The following UNC79 variants were observed in gnomAD, a reference collection of about 807,000 sequenced individuals.
UNC79 encodes the protein unc-79 subunit of NALCN channel complex, also known as protein unc-79 homolog.
In UNC79, 37 loss-of-function variants were observed where a neutral mutation model predicts 283.1. The observed-to-expected ratio is 0.13, with a 90% CI of 0.10 to 0.17. UNC79 has a LOEUF of 0.17. UNC79 is among the 10% of genes least tolerant of loss of function. UNC79 has a pLI of 1.00. For synonymous variants in UNC79, 1,107 were observed against 1,200.2 expected (o/e 0.92, Z 1.61); for missense variants, 2,272 against 3,211.1 (o/e 0.71, Z 7.07).
At chr14:93,598,365 C>CGTGTGTGTGTGT (rs71301930) in intron 24 of UNC79, among the ~76,000 whole-genome samples, 66 of 64,088 alleles carry the variant, frequency 1.0e-3, no homozygotes, top group African/African-American at 2.5e-3. Context: ...TATTGCATAA[C>CGTGTGTGTGTGT]GTGTGTGTGT....
intron 41 of UNC79, among the ~76,000 whole-genome samples, chr14:93,675,785 A>C (rs930145239): frequency 6.6e-6 from 1 of 152,076 alleles, no homozygotes; most frequent in African/African-American, 2.4e-5. Flanking sequence ...GACACATTGA[A>C]CTCTCAGTGA....
rs1555398782 is a variant in UNC79 at position 93,357,710 on chromosome 14, T to TATATGG, written c.-351+24191_-351+24192insGGATAT. On this transcript the variant is annotated intron_variant, in intron 1 of 49. Coordinates refer to the UNC79 transcript ENST00000256339. Reference sequence around the variant, plus strand: ...ATATATATATATATATATATATATATATATATATATGGATATATGGATGTA... The same window carrying TATATGG: ...ATATATATATATATATATATATATATATATGGATATATATATGGATATATGGATGTA... Among the ~76,000 whole-genome samples, 10 of 126,540 alleles carry TATATGG rather than the reference T, an allele frequency of 7.9e-5. No individual in the cohort carries two copies. In the East Asian group the frequency reaches 2.2e-3, roughly 28 times the overall value. The allele number at this position is 126,540 out of a possible 152,430, so 83.0% of individuals were successfully genotyped here.
chr14:93,691,653 T>A, intron 45 of UNC79, 96 bp from the exon 49 acceptor site: 1 of 1,298,098 alleles, frequency 7.7e-7, no homozygotes, highest in Non-Finnish European at 1.1e-6. Context: ...GCTTCCCCTG[T>A]GCTCCCTGGC....
rs912741055 is a variant in UNC79 at position 93,430,767 on chromosome 14, A to G, written c.-263A>G. ...CGCCCACATCAACGCGGGCAGCTCC[A>G]GGAGGGGACGGACAGGAAGCCTTTG... On this transcript the variant is annotated 5_prime_UTR_variant, in exon 1 of 49. Coordinates refer to ENST00000555664, the Ensembl canonical transcript of UNC79. This position sits in a 1 kb window ranked among gnomAD's most constrained non-coding sequence, Gnocchi z 4.6. 2 of 403,012 alleles carry G rather than the reference A, an allele frequency of 5.0e-6. No homozygotes were observed. The highest frequency in any genetic ancestry group is 7.3e-4 in the Middle Eastern group (1 of 1,376). 25.0% of individuals were successfully genotyped at this position (403,012 alleles called of 1,614,324 possible).
intron 42 of UNC79, among the ~76,000 whole-genome samples, chr14:93,685,999 A>G (rs1023060204): frequency 2.6e-5 from 4 of 152,170 alleles, no homozygotes; most frequent in Admixed American, 2.6e-4. Context: ...ACATGTATCT[A>G]TTTAGTAGTG....
intron 30 of UNC79, among the ~76,000 whole-genome samples, chr14:93,630,023 T>A (rs2067894926): frequency 6.6e-6 from 1 of 152,244 alleles, no homozygotes; most frequent in Non-Finnish European, 1.5e-5. Flanking sequence ...TGTTTCCCAT[T>A]ACTGATAGGT....
At chr14:93,604,769 G>A in intron 26 of UNC79, 127 bp from the exon 27 acceptor site, 1 of 973,302 alleles carries the variant, frequency 1.0e-6, no homozygotes, top group Non-Finnish European at 1.4e-6. Context: ...CAACTTTTAT[G>A]TGATGTTAAT....
intron 48 of UNC79, among the ~76,000 whole-genome samples, chr14:93,706,018 AAG>A (rs2075856107): frequency 6.6e-6 from 1 of 152,188 alleles, no homozygotes; most frequent in African/African-American, 2.4e-5. Context: ...TTTCTGTGAA[AAG>A]AGAGTTTCTT....
chr14:93,352,501 A>T lies in UNC79; in HGVS notation c.-351+18978A>T, dbSNP rs74677931. On this transcript the variant is annotated intron_variant, in intron 1 of 49. Transcript: ENST00000256339. ...ATGCAATAATACTGTATGTTGGGAA[A>T]TGGTACCTTATTTTGATGAATGAAC... is the stretch of plus-strand genomic sequence containing the variant. Among the ~76,000 whole-genome samples, 322 of 152,328 alleles carry T rather than the reference A, an allele frequency of 2.1e-3. 5 individuals are homozygous for T. In the East Asian group the frequency reaches 0.024, roughly 11 times the overall value.
chr14:93,396,777 A>ATG (rs34727419), intron 1 of UNC79, among the ~76,000 whole-genome samples: 2,686 of 144,446 alleles, frequency 0.019, 36 homozygotes, highest in East Asian at 0.041. Context: ...ATGTGTGTGT[A>ATG]TGTGTGTGTG....
At chr14:93,479,144 GT>G (rs1158408361) in intron 4 of UNC79, among the ~76,000 whole-genome samples, 2 of 151,530 alleles carry the variant, frequency 1.3e-5, no homozygotes, top group Admixed American at 6.6e-5. Flanking sequence ...AGAATTTTTG[GT>G]TTTTTGAAGC....
chr14:93,532,819 A>G (rs1364768838), intron 11 of UNC79, among the ~76,000 whole-genome samples: 1 of 152,212 alleles, frequency 6.6e-6, no homozygotes, highest in Admixed American at 6.5e-5. Flanking sequence ...AATTTGCAAT[A>G]AAAGCCTATG....
At chr14:93,592,456 G>A (rs2064766701) in intron 22 of UNC79, among the ~76,000 whole-genome samples, 2 of 152,100 alleles carry the variant, frequency 1.3e-5, no homozygotes, top group African/African-American at 2.4e-5. Flanking sequence ...TTACAGGCGT[G>A]AGCCACTGCG....
intron 1 of UNC79, among the ~76,000 whole-genome samples, chr14:93,413,386 A>G (rs1201588357): frequency 1.3e-5 from 2 of 151,784 alleles, no homozygotes; most frequent in Admixed American, 6.6e-5. Context: ...ATAGTATTCC[A>G]TGGTGTATAT....
chr14:93,637,529 T>C (rs2068618448), intron 32 of UNC79, among the ~76,000 whole-genome samples: 2 of 152,138 alleles, frequency 1.3e-5, no homozygotes, highest in African/African-American at 4.8e-5. Context: ...ACAAGTCTAG[T>C]CTTCTCTCAT....
chr14:93,691,208 TG>T (rs2074669368), intron 45 of UNC79: 1 of 162,560 alleles, frequency 6.2e-6, no homozygotes. Flanking sequence ...TGGAGAGTGA[TG>T]GAGGTGATAT....
chr14:93,548,357 T>C (rs555804226), intron 14 of UNC79, among the ~76,000 whole-genome samples: 2 of 152,330 alleles, frequency 1.3e-5, no homozygotes, highest in East Asian at 3.9e-4. Context: ...GGCCCCACCT[T>C]CTAACATCAT....
At chr14:93,476,035 A>G (rs2057779412) in intron 3 of UNC79, among the ~76,000 whole-genome samples, 1 of 152,208 alleles carries the variant, frequency 6.6e-6, no homozygotes, top group African/African-American at 2.4e-5. Flanking sequence ...TCTGAAAAAC[A>G]TCGGAATCAC....
intron 35 of UNC79, among the ~76,000 whole-genome samples, chr14:93,648,986 A>G (rs1386777348): frequency 6.6e-6 from 1 of 152,176 alleles, no homozygotes; most frequent in African/African-American, 2.4e-5. Flanking sequence ...TATAGCATGT[A>G]GAAAGGCTAC....
Sources: gnomAD v4.1 joint callset for allele counts (sites outside exome capture counted in the v4.1 genomes callset) on GRCh38, gnomAD v4.1.1 for gene constraint, Gnocchi (gnomAD v3.1) non-coding constraint, MANE v1.5 for transcripts, NCBI Gene and HGNC (gene_info 2026-07-23, HGNC 2026-07-21) for gene names.